AKT3: variants seen among roughly 807,000 people sequenced by gnomAD.
The protein encoded by AKT3 is AKT serine/threonine kinase 3.
A neutral mutation model predicts 65.3 loss-of-function variants in AKT3; 15 were observed. The ratio of observed to expected loss-of-function variants is 0.23; its 90% confidence interval spans 0.15 to 0.35. The LOEUF is 0.35. AKT3 is among the 10% of genes least tolerant of loss of function. The probability of loss-of-function intolerance (pLI) is 1.00; values close to 1 mark genes in which losing one functional copy is unlikely to be tolerated. For synonymous variants in AKT3, 206 were observed against 183.8 expected (o/e 1.12, Z -0.98); for missense variants, 243 against 576.5 (o/e 0.42, Z 5.92).
intron 4 of AKT3, among the ~76,000 whole-genome samples, chr1:243,662,869 T>C (rs1169971302): frequency 6.6e-6 from 1 of 152,182 alleles, no homozygotes; most frequent in Non-Finnish European, 1.5e-5. Context: ...TAGTTATAAA[T>C]GCAAATGAAA....
At position 243,843,177 on chromosome 1, in the gene AKT3, TC is replaced by T. The variant is rs569531177; in HGVS notation, c.-8del. The stretch of plus-strand genomic sequence containing the variant: ...CAATGGTAACATCGCTCATGATGAC[TC>T]CCCTCTGAGCCCCCAACTTGGAGAA... On this transcript the variant is annotated 5_prime_UTR_variant, in exon 2 of 14. Transcript: ENST00000673466. 7.0e-5 allele frequency: 113 copies of T among 1,612,858 alleles called. No individual in the cohort carries two copies. The highest frequency in any genetic ancestry group is 9.1e-5 in the Non-Finnish European group (107 of 1,179,452).
At chr1:243,562,043 T>C (rs1034751209) in intron 10 of AKT3, among the ~76,000 whole-genome samples, 1 of 152,146 alleles carries the variant, frequency 6.6e-6, no homozygotes, top group Non-Finnish European at 1.5e-5. Context: ...AGCAGCAGCA[T>C]TATTCATAGT....
chr1:243,654,362 T>C (rs945707304), intron 4 of AKT3, among the ~76,000 whole-genome samples: 15 of 152,226 alleles, frequency 9.9e-5, no homozygotes, highest in African/African-American at 3.4e-4. Flanking sequence ...ATTTATTGGT[T>C]TATTTAAGCA....
chr1:243,796,063 C>A (rs959931971), intron 2 of AKT3, among the ~76,000 whole-genome samples: 3 of 152,214 alleles, frequency 2.0e-5, no homozygotes, highest in Non-Finnish European at 4.4e-5. Flanking sequence ...CGGACAAACA[C>A]AGTACTGCAT....
intron 8 of AKT3, among the ~76,000 whole-genome samples, chr1:243,575,778 G>A (rs1359446054): frequency 2.6e-5 from 4 of 152,042 alleles, no homozygotes; most frequent in South Asian, 4.1e-4. Flanking sequence ...TGCTACTCAA[G>A]TTTTATCCAT....
rs919637787 is a variant in AKT3, at chr1:243,545,607, C to A, written c.1164-10G>T. The A allele has an allele frequency of 6.3e-7, 1 of 1,590,286 alleles. No homozygotes were observed. Among genetic ancestry groups the A allele is most frequent in the Non-Finnish European group, 8.6e-7 (1 of 1,160,618 alleles). On this transcript the variant is annotated splice_polypyrimidine_tract_variant and intron_variant, in intron 11 of 13. Coordinates refer to ENST00000673466, the MANE Select transcript of AKT3 (RefSeq NM_005465.7). The stretch of plus-strand genomic sequence containing the variant: ...TGGTCCTCCACCAAGGCTATGAGAA[C>A]AGAAATAAAATTAAGTAAGTATAAA...
At chr1:243,747,536 A>C (rs1280907652) in intron 2 of AKT3, among the ~76,000 whole-genome samples, 1 of 152,226 alleles carries the variant, frequency 6.6e-6, no homozygotes, top group Non-Finnish European at 1.5e-5. Flanking sequence ...TACCCAGTAC[A>C]GCCCAGTAAA....
intron 13 of AKT3, 149 bp from the exon 14 acceptor site, chr1:243,505,483 A>C (rs1340235841): frequency 4.9e-6 from 3 of 615,420 alleles, no homozygotes; most frequent in Non-Finnish European, 8.6e-6. Flanking sequence ...CTGTAGAGTA[A>C]TTATACTTCA....
intron 3 of AKT3, among the ~76,000 whole-genome samples, chr1:243,669,726 T>C (rs935316721): frequency 6.6e-6 from 1 of 152,164 alleles, no homozygotes; most frequent in Non-Finnish European, 1.5e-5. Context: ...CAAATATCAA[T>C]TACTATAATT....
intron 6 of AKT3, among the ~76,000 whole-genome samples, chr1:243,623,670 G>A (rs1678932692): frequency 6.6e-6 from 1 of 152,108 alleles, no homozygotes; most frequent in African/African-American, 2.4e-5. Flanking sequence ...CAAAACCCAG[G>A]TTCCTGGCCC....
intron 5 of AKT3, 44 bp downstream of exon 5, chr1:243,645,849 C>T (rs2147845703): frequency 6.6e-7 from 1 of 1,514,378 alleles, no homozygotes; most frequent in Non-Finnish European, 8.9e-7. Context: ...ATGTTTCTTC[C>T]AGACAAATGA....
chr1:243,766,499 T>G (rs528224733), intron 2 of AKT3, among the ~76,000 whole-genome samples: 12 of 152,212 alleles, frequency 7.9e-5, no homozygotes, highest in Non-Finnish European at 1.8e-4. Flanking sequence ...AGGTAGATAT[T>G]GCAGTAATAC....
intron 9 of AKT3, among the ~76,000 whole-genome samples, chr1:243,568,292 T>A (rs888242443): frequency 1.3e-5 from 2 of 152,196 alleles, no homozygotes; most frequent in African/African-American, 4.8e-5. Flanking sequence ...AGCATGCTTA[T>A]GCTTAATGGA....
At position 243,619,561 on chromosome 1, in the gene AKT3, G is replaced by A. The variant is rs1417092512; in HGVS notation, c.562-4400C>T. On this transcript the variant is annotated intron_variant, in intron 6 of 13. Coordinates refer to ENST00000673466, the MANE Select transcript of AKT3 (RefSeq NM_005465.7). The stretch of plus-strand genomic sequence containing the variant: ...CTACTGTCTATCTTGATGCAATCCC[G>A]TTTTTTAGCTCCCACATAAGAACAA... 6.5e-5 allele frequency among the ~76,000 whole-genome samples: 6 copies of A among 91,796 alleles called. 2 individuals are homozygous for A. The East Asian group carries it at 1.5e-3, about 23-fold the overall frequency. The allele number at this position is 91,796 out of a possible 152,430, so 60.2% of individuals were successfully genotyped here.
intron 5 of AKT3, among the ~76,000 whole-genome samples, chr1:243,640,272 C>G (rs937770954): frequency 6.6e-6 from 1 of 152,072 alleles, no homozygotes; most frequent in African/African-American, 2.4e-5. Flanking sequence ...ATTAATAGAG[C>G]AGAAAAAATC....
At chr1:243,646,184 C>A (rs1317092168) in intron 4 of AKT3, 147 bp from the exon 5 acceptor site, 2 of 560,666 alleles carry the variant, frequency 3.6e-6, no homozygotes, top group Non-Finnish European at 5.6e-6. Context: ...CTCACCATCA[C>A]CCCAAAGTGA....
intron 2 of AKT3, among the ~76,000 whole-genome samples, chr1:243,784,587 G>A (rs999267947): frequency 6.6e-6 from 1 of 152,078 alleles, no homozygotes; most frequent in Non-Finnish European, 1.5e-5. Context: ...CCGAGTTCTG[G>A]CACCAGGCAA....
chr1:243,717,857 C>T (rs1434513622), intron 2 of AKT3, among the ~76,000 whole-genome samples: 2 of 152,152 alleles, frequency 1.3e-5, no homozygotes, highest in East Asian at 3.8e-4. Context: ...TCAAGTCCAG[C>T]TAATTTCGAT....
At position 243,501,915 on chromosome 1, in the gene AKT3, G is replaced by C; in HGVS notation, c.*3334C>G. The stretch of plus-strand genomic sequence containing the variant: ...CATCCTTGTGGGTCATATACTTCAG[G>C]AAATAGACAGGTTTAGTATGACCAA... On this transcript the variant is annotated 3_prime_UTR_variant, in exon 14 of 14. Transcript: ENST00000673466. 4.3e-6 allele frequency: 1 copy of C among 232,620 alleles called. No homozygotes were observed. The highest frequency in any genetic ancestry group is 8.5e-6 in the Non-Finnish European group (1 of 117,780). 14.4% of individuals were successfully genotyped at this position (232,620 alleles called of 1,614,324 possible). A position where few individuals can be genotyped will look rare whatever the true frequency, so the allele number is the denominator to read the frequency against.
Sources: allele counts gnomAD v4.1 joint callset (sites outside exome capture counted in the v4.1 genomes callset), GRCh38; gene constraint gnomAD v4.1.1; transcripts MANE v1.5; gene names NCBI Gene and HGNC (gene_info 2026-07-23, HGNC 2026-07-21).